Variants in SLC1A1 observed in about 807,000 individuals in gnomAD.
The protein encoded by SLC1A1 is excitatory amino acid transporter 3.
In SLC1A1, 43 loss-of-function variants were observed where a neutral mutation model predicts 53.3. That is an observed-to-expected ratio of 0.81 (90% CI 0.63 to 1.04). SLC1A1 has a LOEUF of 1.04. SLC1A1 is among the 50% of genes least tolerant of loss of function. The pLI, the probability that SLC1A1 is intolerant of heterozygous loss-of-function variation, is 0.00. For missense variants in SLC1A1, 748 were observed against 664.9 expected (o/e 1.12, Z -1.37); for synonymous variants, 307 against 243.2 (o/e 1.26, Z -2.44).
chr9:4,524,004 G>T (rs1420249553), intron 1 of SLC1A1, among the ~76,000 whole-genome samples: 2 of 152,120 alleles, frequency 1.3e-5, no homozygotes, highest in African/African-American at 4.8e-5. Context: ...GATTTAACAT[G>T]CCTTATTTCA....
intron 10 of SLC1A1, among the ~76,000 whole-genome samples, chr9:4,577,165 G>C (rs1820629465): frequency 6.6e-6 from 1 of 152,214 alleles, no homozygotes; most frequent in Admixed American, 6.5e-5. Flanking sequence ...GGGAAGGGCT[G>C]GTTCTAGCTG....
chr9:4,498,727 T>C (rs1820527246), intron 1 of SLC1A1, among the ~76,000 whole-genome samples: 1 of 146,488 alleles, frequency 6.8e-6, no homozygotes, highest in South Asian at 2.4e-4. Flanking sequence ...ATTAGCAAAA[T>C]AATGAGCACT....
At chr9:4,520,933 T>A (rs1325129298) in intron 1 of SLC1A1, among the ~76,000 whole-genome samples, 1 of 152,232 alleles carries the variant, frequency 6.6e-6, no homozygotes, top group Admixed American at 6.5e-5. Context: ...TATATCATTT[T>A]CTCTTTTTTG....
At chr9:4,552,415 T>C (rs1293150429) in intron 2 of SLC1A1, among the ~76,000 whole-genome samples, 2 of 152,114 alleles carry the variant, frequency 1.3e-5, no homozygotes, top group African/African-American at 4.8e-5. Context: ...GAAAATAGCA[T>C]CTTTGTCCTC....
At chr9:4,503,165 G>A (rs534614218) in intron 1 of SLC1A1, among the ~76,000 whole-genome samples, 5 of 151,698 alleles carry the variant, frequency 3.3e-5, no homozygotes, top group Admixed American at 1.3e-4. Context: ...CCATTCCCAC[G>A]TCTGTTCTGT....
At position 4,515,850 on chromosome 9, in the gene SLC1A1, G is replaced by GGCTC. The variant is rs1279644736; in HGVS notation, c.91+25083_91+25084insCGCT. Among the ~76,000 whole-genome samples, 5 of 152,316 alleles carry GGCTC rather than the reference G, an allele frequency of 3.3e-5. No homozygotes were observed. The East Asian group carries it at 9.6e-4, about 29-fold the overall frequency. ...ACCTCCTACCTTCCTCCCAAGGCCA[G>GGCTC]GCTGTGTTGTGGAGCCTTCTGTCCT... On this transcript the variant is annotated intron_variant, in intron 1 of 11. Coordinates refer to ENST00000262352, the MANE Select transcript of SLC1A1 (RefSeq NM_004170.6).
intron 1 of SLC1A1, among the ~76,000 whole-genome samples, chr9:4,534,991 T>G (rs964050071): frequency 6.6e-6 from 1 of 152,130 alleles, no homozygotes; most frequent in South Asian, 2.1e-4. Context: ...GAAAAGGCCT[T>G]TGACAAAATT....
At chr9:4,499,414 C>T (rs755542882) in intron 1 of SLC1A1, among the ~76,000 whole-genome samples, 7 of 152,132 alleles carry the variant, frequency 4.6e-5, no homozygotes, top group African/African-American at 7.2e-5. Flanking sequence ...CTTCTGGCCT[C>T]GCCAAAGTTC....
At chr9:4,528,973 G>C (rs1160291461) in intron 1 of SLC1A1, among the ~76,000 whole-genome samples, 1 of 152,068 alleles carries the variant, frequency 6.6e-6, no homozygotes, top group Non-Finnish European at 1.5e-5. Context: ...CATCCACCCT[G>C]TTACCCAAGC....
chr9:4,567,096 C>T (rs543812968), intron 5 of SLC1A1, among the ~76,000 whole-genome samples: 1 of 152,316 alleles, frequency 6.6e-6, no homozygotes, highest in Admixed American at 6.5e-5. Context: ...CTCACTCTTT[C>T]TTAAATCCCC....
At chr9:4,505,739 C>A (rs776162222) in intron 1 of SLC1A1, among the ~76,000 whole-genome samples, 5 of 152,212 alleles carry the variant, frequency 3.3e-5, no homozygotes, top group Non-Finnish European at 5.9e-5. Context: ...TCACTTCAAC[C>A]TTCACCTCCT....
intron 1 of SLC1A1, among the ~76,000 whole-genome samples, chr9:4,501,720 C>T (rs1034947588): frequency 4.0e-5 from 6 of 151,678 alleles, no homozygotes; most frequent in Non-Finnish European, 5.9e-5. Context: ...GCCGAGATCA[C>T]GCCATTGCAC....
chr9:4,527,788 A>C (rs1187648379), intron 1 of SLC1A1, among the ~76,000 whole-genome samples: 1 of 151,802 alleles, frequency 6.6e-6, no homozygotes, highest in Non-Finnish European at 1.5e-5. Flanking sequence ...GGCTCACTTC[A>C]CTGATCTAGT....
intron 10 of SLC1A1, among the ~76,000 whole-genome samples, chr9:4,579,827 C>A (rs192392562): frequency 1.7e-3 from 258 of 152,192 alleles, no homozygotes; most frequent in African/African-American, 5.9e-3. Flanking sequence ...CCAAAACATA[C>A]CCTTTTGTGG....
chr9:4,528,496 A>T (rs964780648), intron 1 of SLC1A1, among the ~76,000 whole-genome samples: 1 of 152,130 alleles, frequency 6.6e-6, no homozygotes, highest in African/African-American at 2.4e-5. Context: ...GAATGGCGTG[A>T]ACCCGGGAGG....
chr9:4,569,475 T>C (rs1819819013), intron 6 of SLC1A1, among the ~76,000 whole-genome samples: 1 of 152,206 alleles, frequency 6.6e-6, no homozygotes, highest in Admixed American at 6.5e-5. Context: ...ATCAACATGC[T>C]TTGAGAGCTT....
chr9:4,570,839 T>C (rs1819962218), intron 6 of SLC1A1, among the ~76,000 whole-genome samples: 1 of 151,324 alleles, frequency 6.6e-6, no homozygotes. Flanking sequence ...AGCCCTCCTT[T>C]GAGGAGTTTG....
In SLC1A1 at chr9:4,567,751, C is replaced by A; in HGVS notation, c.566C>A (p.Thr189Lys). 1 of 1,606,802 alleles carries A rather than the reference C, an allele frequency of 6.2e-7. No homozygotes were observed. The highest frequency in any genetic ancestry group is 8.5e-7 in the Non-Finnish European group (1 of 1,173,522). Residue 189 changes from threonine to lysine, a missense_variant, in exon 6 of 12, where the codon ACA (threonine) becomes AAA (lysine). Transcript: ENST00000262352. ...GAAGAGTCCTTCACAGCTGTCATGACAACTGCAATTTCCAAGGTACCATTC... is the reference window on the plus strand; with the variant it reads ...GAAGAGTCCTTCACAGCTGTCATGAAAACTGCAATTTCCAAGGTACCATTC... ...MTEESFTAVM[T>K]TAISKNKTKE...
At chr9:4,492,729 G>A (rs536602686) in intron 1 of SLC1A1, among the ~76,000 whole-genome samples, 8 of 151,914 alleles carry the variant, frequency 5.3e-5, no homozygotes, top group Admixed American at 3.3e-4. Context: ...CAGGGAGGTC[G>A]AGGCTGCAGT....
Sources: gnomAD v4.1 joint callset for allele counts (sites outside exome capture counted in the v4.1 genomes callset) on GRCh38, gnomAD v4.1.1 for gene constraint, MANE v1.5 for transcripts, NCBI Gene and HGNC (gene_info 2026-07-23, HGNC 2026-07-21) for gene names.